The following TRPM1 variants were observed in gnomAD, a reference collection of about 807,000 sequenced individuals.
TRPM1 encodes the protein TRPM1-203 APA Isoform, Intron 10.
Under a neutral mutation model 149.4 loss-of-function variants are expected in TRPM1, and 113 were observed. That is an observed-to-expected ratio of 0.76 (90% CI 0.65 to 0.88). The LOEUF is 0.88. Among genes scored for constraint, TRPM1 ranks in the 40% least tolerant of loss-of-function variants. The pLI is 0.00. For missense variants in TRPM1, 1,976 were observed against 2,038.7 expected (o/e 0.97, Z 0.59); for synonymous variants, 741 against 759.5 (o/e 0.98, Z 0.40).
intron 27 of TRPM1, among the ~76,000 whole-genome samples, chr15:31,016,987 AC>A (rs1206094795): frequency 4.8e-4 from 41 of 84,952 alleles, no homozygotes; most frequent in African/African-American, 1.8e-3. Context: ...ACACACACAC[AC>A]AAAAAAAAAA....
chr15:31,113,289 C>G (rs1356212056), intron 1 of TRPM1, among the ~76,000 whole-genome samples: 1 of 152,194 alleles, frequency 6.6e-6, no homozygotes, highest in African/African-American at 2.4e-5. Flanking sequence ...CTGCTCCTCC[C>G]TAACTCTCCA....
At position 31,098,762 on chromosome 15, in the gene TRPM1, A is replaced by G. The variant is rs532641128; in HGVS notation, c.-84+2895T>C. Reference sequence around the variant, plus strand: ...GGCATTACCCACCCTGGGGGAGCAGACACAGGATGGATAAGTTGTGATGAG... The same window carrying G: ...GGCATTACCCACCCTGGGGGAGCAGGCACAGGATGGATAAGTTGTGATGAG... On this transcript the variant is annotated intron_variant, in intron 1 of 27. Coordinates refer to ENST00000256552, the MANE Select transcript of TRPM1 (RefSeq NM_001252024.2). Among the ~76,000 whole-genome samples the G allele has an allele frequency of 2.0e-5, 3 of 152,128 alleles. No individual in the cohort carries two copies. In the East Asian group the frequency reaches 5.8e-4, roughly 29 times the overall value.
At chr15:31,151,570 A>G (rs536731117) in intron 1 of TRPM1, among the ~76,000 whole-genome samples, 1 of 152,360 alleles carries the variant, frequency 6.6e-6, no homozygotes, top group African/African-American at 2.4e-5. Context: ...TTCAGTGGGC[A>G]TGGGGTGCTC....
intron 1 of TRPM1, among the ~76,000 whole-genome samples, chr15:31,122,497 A>C (rs2035893840): frequency 6.6e-6 from 1 of 152,210 alleles, no homozygotes; most frequent in Non-Finnish European, 1.5e-5. Context: ...TGTTGGATAC[A>C]AGGTTAATAG....
In TRPM1 at chr15:31,022,877, C is replaced by T. The variant is rs1339461528; in HGVS notation, c.3629+3262G>A. Reference sequence around the variant, plus strand: ...TAAAATAAAAAATAAAAAAAATTAGCTGGGCGTGGTGGCACATACATGTAT... The same window carrying T: ...TAAAATAAAAAATAAAAAAAATTAGTTGGGCGTGGTGGCACATACATGTAT... On this transcript the variant is annotated intron_variant, in intron 27 of 27. Transcript: ENST00000256552. Among the ~76,000 whole-genome samples the T allele has an allele frequency of 3.3e-5, 5 of 152,168 alleles. No homozygotes were observed. The East Asian group carries it at 9.6e-4, about 29-fold the overall frequency.
intron 15 of TRPM1, 91 bp from the exon 16 acceptor site, chr15:31,046,324 G>A (rs917519592): frequency 6.3e-6 from 8 of 1,261,960 alleles, no homozygotes; most frequent in African/African-American, 1.5e-5. Flanking sequence ...GTGGACATAC[G>A]AATGGATTAA....
At chr15:31,013,387 T>C (rs547160619) in intron 27 of TRPM1, among the ~76,000 whole-genome samples, 1 of 152,100 alleles carries the variant, frequency 6.6e-6, no homozygotes, top group African/African-American at 2.4e-5. Flanking sequence ...AATTTCCACC[T>C]CTTTATTGAT....
chr15:31,113,552 TG>T (rs201563907), intron 1 of TRPM1, among the ~76,000 whole-genome samples: 2,510 of 150,746 alleles, frequency 0.017, 79 homozygotes, highest in African/African-American at 0.059. Flanking sequence ...ACTCCTAAAA[TG>T]TTTTTTTTTA....
At chr15:31,003,132 GAT>G in intron 27 of TRPM1, 62 bp from the exon 28 acceptor site, 1 of 1,443,190 alleles carries the variant, frequency 6.9e-7, no homozygotes, top group South Asian at 1.3e-5. Context: ...AAAATCAAAA[GAT>G]AATGTCATTG....
chr15:31,129,454 G>A (rs145225529), intron 1 of TRPM1, among the ~76,000 whole-genome samples: 109 of 152,262 alleles, frequency 7.2e-4, no homozygotes, highest in African/African-American at 2.5e-3. Flanking sequence ...TGCCCACTCA[G>A]CTCTCTGCTG....
At chr15:31,016,542 G>C (rs953308143) in intron 27 of TRPM1, among the ~76,000 whole-genome samples, 1 of 152,030 alleles carries the variant, frequency 6.6e-6, no homozygotes. Context: ...TTCCACTTAT[G>C]AATACTTTTG....
At chr15:31,104,358 T>C (rs1268508630), upstream of TRPM1, among the ~76,000 whole-genome samples, 1 of 152,168 alleles carries the variant, frequency 6.6e-6, no homozygotes, top group Non-Finnish European at 1.5e-5. Flanking sequence ...CTGGTTGGAC[T>C]CTGAGATGAG....
At chr15:31,035,003 G>GT (rs974108476) in intron 21 of TRPM1, among the ~76,000 whole-genome samples, 9 of 152,090 alleles carry the variant, frequency 5.9e-5, no homozygotes, top group Non-Finnish European at 7.4e-5. Context: ...TGTGTAATTT[G>GT]TTTTTTTGTT....
At chr15:31,060,703 G>C in intron 10 of TRPM1, 59 bp from the exon 11 acceptor site, 1 of 1,427,268 alleles carries the variant, frequency 7.0e-7, no homozygotes, top group Non-Finnish European at 9.8e-7. Context: ...CCAGGGTTTG[G>C]CAGGTGCTGG....
At chr15:31,008,623 A>G (rs2032077985) in intron 27 of TRPM1, among the ~76,000 whole-genome samples, 1 of 152,048 alleles carries the variant, frequency 6.6e-6, no homozygotes, top group African/African-American at 2.4e-5. Context: ...ATTGGTCTGT[A>G]GTTTTCTTTT....
Position 31,002,118 on chromosome 15 carries a change from G to T in TRPM1, c.4582C>A (p.Gln1528Lys), listed in dbSNP as rs1298391736. Residue 1528 changes from glutamine (Q) to lysine (K), a missense_variant, in exon 28 of 28, where the codon CAA becomes AAA. Transcript: ENST00000256552. ...AEHKEQFADMQDEHHVAEAIP... is the reference protein window; with the variant it reads ...AEHKEQFADMKDEHHVAEAIP... ...GCTTCAGCGACATGGTGTTCATCTT[G>T]CATATCTGCAAACTGCTCTTTATGC... The T allele has an allele frequency of 6.2e-7, 1 of 1,614,096 alleles. No homozygotes were observed. Among genetic ancestry groups the T allele is most frequent in the East Asian group, 2.2e-5 (1 of 44,900 alleles).
At chr15:31,053,417 A>AT (rs376760976) in intron 11 of TRPM1, among the ~76,000 whole-genome samples, 82,266 of 140,252 alleles carry the variant, frequency 0.59, 25,145 homozygotes, top group East Asian at 0.94. Flanking sequence ...CTCCCGGCTC[A>AT]TTTTTTTTTT....
At chr15:31,036,173 T>C (rs1450320804) in intron 20 of TRPM1, among the ~76,000 whole-genome samples, 1 of 151,962 alleles carries the variant, frequency 6.6e-6, no homozygotes, top group African/African-American at 2.4e-5. Flanking sequence ...TGGTGGCATG[T>C]CCAGGATTTG....
At chr15:31,057,792 A>G (rs769206242) in intron 11 of TRPM1, among the ~76,000 whole-genome samples, 28 of 152,142 alleles carry the variant, frequency 1.8e-4, no homozygotes, top group Non-Finnish European at 3.7e-4. Context: ...GTGGGGCCTG[A>G]TGTGAAGTGA....
Sources: gnomAD v4.1 joint callset for allele counts (sites outside exome capture counted in the v4.1 genomes callset) on GRCh38, gnomAD v4.1.1 for gene constraint, MANE v1.5 for transcripts, NCBI Gene and HGNC (gene_info 2026-07-23, HGNC 2026-07-21) for gene names.